Variants in MAJIN observed in about 807,000 individuals in gnomAD.
MAJIN encodes membrane anchored junction protein.
Under a neutral mutation model 30.2 loss-of-function variants are expected in MAJIN, and 27 were observed. The observed-to-expected ratio is 0.89, with a 90% CI of 0.66 to 1.23. The LOEUF is 1.23. Among genes scored for constraint, MAJIN ranks in the 50% most tolerant of loss-of-function variants. The pLI, the probability that MAJIN is intolerant of heterozygous loss-of-function variation, is 0.00. For synonymous variants in MAJIN, 78 were observed against 91.6 expected (o/e 0.85, Z 0.85); for missense variants, 253 against 260.3 (o/e 0.97, Z 0.19).
At chr11:64,967,744 GT>G (rs1945834739) in intron 1 of MAJIN, among the ~76,000 whole-genome samples, 1 of 152,202 alleles carries the variant, frequency 6.6e-6, no homozygotes, top group African/African-American at 2.4e-5. Context: ...ACCCTACAGT[GT>G]ATCAGGCACT....
chr11:64,972,021 T>C lies in MAJIN; in HGVS notation c.-209A>G, dbSNP rs1945915194. On this transcript the variant is annotated 5_prime_UTR_variant, in exon 1 of 11. Transcript: ENST00000301896. Reference sequence around the variant, plus strand: ...AGGCGGGCGCCAACCTCGAACGAAGTCGTTTTGAGGGACTGGCTCGCCAGC... The same window carrying C: ...AGGCGGGCGCCAACCTCGAACGAAGCCGTTTTGAGGGACTGGCTCGCCAGC... The C allele has an allele frequency of 1.3e-5, 2 of 152,080 alleles. No homozygotes were observed. Among genetic ancestry groups the C allele is most frequent in the Non-Finnish European group, 2.9e-5 (2 of 68,008 alleles). The allele number at this position is 152,080 out of a possible 1,614,324, so 9.4% of individuals were successfully genotyped here. A position where few individuals can be genotyped will look rare whatever the true frequency, so the allele number is the denominator to read the frequency against.
intron 3 of MAJIN, among the ~76,000 whole-genome samples, chr11:64,957,611 C>T (rs1590702278): frequency 6.6e-6 from 1 of 151,996 alleles, no homozygotes. Flanking sequence ...ACCATGTTGA[C>T]CAGGCTGCTC....
intron 8 of MAJIN, among the ~76,000 whole-genome samples, chr11:64,945,140 G>A (rs1945432080): frequency 1.3e-5 from 2 of 152,060 alleles, no homozygotes; most frequent in South Asian, 2.1e-4. Flanking sequence ...GGTGGATCAC[G>A]AGGTCAGGAG....
intron 1 of MAJIN, among the ~76,000 whole-genome samples, chr11:64,964,262 T>C (rs1014963163): frequency 1.3e-5 from 2 of 152,106 alleles, no homozygotes; most frequent in Admixed American, 6.6e-5. Context: ...CTTTCAAAAG[T>C]CCTTGGCTGG....
At chr11:64,948,640 T>TA (rs869204077) in intron 6 of MAJIN, among the ~76,000 whole-genome samples, 37 of 7,516 alleles carry the variant, frequency 4.9e-3, no homozygotes, top group East Asian at 0.016. Context: ...TATATATATA[T>TA]TTTTTTTTTT....
At chr11:64,951,049 C>T (rs1337162597) in intron 4 of MAJIN, among the ~76,000 whole-genome samples, 1 of 152,192 alleles carries the variant, frequency 6.6e-6, no homozygotes, top group Non-Finnish European at 1.5e-5. Context: ...TTGTTAGTAT[C>T]AAACTTCACA....
chr11:64,970,383 T>TTTTG (rs1945880438), intron 1 of MAJIN, among the ~76,000 whole-genome samples: 1 of 140,438 alleles, frequency 7.1e-6, no homozygotes, highest in Non-Finnish European at 1.6e-5. Flanking sequence ...TTTTTTTTTT[T>TTTTG]TGAGACGGAG....
intron 1 of MAJIN, among the ~76,000 whole-genome samples, chr11:64,969,257 A>G (rs1842562752): frequency 6.6e-6 from 1 of 152,190 alleles, no homozygotes; most frequent in Non-Finnish European, 1.5e-5. Context: ...GCAGTCTCCT[A>G]GTGTGTAAGG....
At chr11:64,944,984 CA>C (rs1945428885) in intron 8 of MAJIN, among the ~76,000 whole-genome samples, 1 of 152,154 alleles carries the variant, frequency 6.6e-6, no homozygotes, top group Admixed American at 6.5e-5. Flanking sequence ...CTAATTCCAT[CA>C]GGGGCCAGCC....
chr11:64,951,402 G>A (rs1158769764), intron 4 of MAJIN, among the ~76,000 whole-genome samples: 4 of 152,100 alleles, frequency 2.6e-5, no homozygotes, highest in African/African-American at 9.7e-5. Flanking sequence ...GGGGAAAAAA[G>A]TCTCAATTTC....
At chr11:64,967,590 T>C (rs1284261607) in intron 1 of MAJIN, among the ~76,000 whole-genome samples, 2 of 151,942 alleles carry the variant, frequency 1.3e-5, no homozygotes, top group Admixed American at 6.6e-5. Context: ...GTAGAGGAAA[T>C]AGCAGGTACA....
At chr11:64,965,445 CTT>C (rs767329703) in intron 1 of MAJIN, among the ~76,000 whole-genome samples, 54 of 152,296 alleles carry the variant, frequency 3.5e-4, no homozygotes, top group African/African-American at 7.2e-4. Flanking sequence ...CTTAGTTTCT[CTT>C]TGTTACTCTT....
intron 3 of MAJIN, among the ~76,000 whole-genome samples, chr11:64,957,026 C>G (rs1337535776): frequency 6.6e-6 from 1 of 152,008 alleles, no homozygotes; most frequent in Non-Finnish European, 1.5e-5. Flanking sequence ...CTCGGCCTCC[C>G]AAAGTGCTGG....
At chr11:64,947,209 A>G (rs1482046533) in intron 8 of MAJIN, among the ~76,000 whole-genome samples, 165 bp downstream of exon 8, 1 of 152,202 alleles carries the variant, frequency 6.6e-6, no homozygotes, top group Non-Finnish European at 1.5e-5. Flanking sequence ...TTATATTGTA[A>G]ATATTAACTT....
intron 4 of MAJIN, among the ~76,000 whole-genome samples, chr11:64,950,975 C>A (rs1379479309): frequency 1.4e-4 from 22 of 152,178 alleles, no homozygotes; most frequent in Admixed American, 5.9e-4. Flanking sequence ...TCCGACCTAT[C>A]CTTTCAGGCA....
chr11:64,940,244 G>C (rs1263230300), intron 9 of MAJIN, among the ~76,000 whole-genome samples: 1 of 152,164 alleles, frequency 6.6e-6, no homozygotes, highest in Non-Finnish European at 1.5e-5. Flanking sequence ...CAACAGTACA[G>C]AAAAGGGAAA....
intron 3 of MAJIN, among the ~76,000 whole-genome samples, chr11:64,958,598 G>GAAAAAA (rs202169389): frequency 1.1e-4 from 11 of 102,534 alleles, no homozygotes; most frequent in Non-Finnish European, 1.6e-4. Flanking sequence ...TGTCTTGGGA[G>GAAAAAA]AAAAAAAAAA....
chr11:64,953,116 T>C lies in MAJIN; in HGVS notation c.147+1641A>G, dbSNP rs185086978. Among the ~76,000 whole-genome samples, 284 of 152,294 alleles carry C rather than the reference T, an allele frequency of 1.9e-3. 3 individuals carry two copies. The highest frequency in any genetic ancestry group is 6.3e-3 in the African/African-American group (262 of 41,552). ...TCAAATGCACCTTGGAAATATGACA[T>C]ACGTTGAATGTAAATACTCTCGAGC... On this transcript the variant is annotated intron_variant, in intron 4 of 10. Coordinates refer to ENST00000301896, the MANE Select transcript of MAJIN (RefSeq NM_001037225.3).
Position 64,949,871 on chromosome 11 carries a change from G to A in MAJIN, c.224-3C>T, listed in dbSNP as rs1945522505. Reference sequence around the variant, plus strand: ...AACTCTCTCCCATTTGCTTTTATCTGGAAAATGGTGCTAAGGAGTAAGGAA... The same window carrying A: ...AACTCTCTCCCATTTGCTTTTATCTAGAAAATGGTGCTAAGGAGTAAGGAA... On this transcript the variant is annotated splice_region_variant and splice_polypyrimidine_tract_variant and intron_variant, in intron 5 of 10. Coordinates refer to ENST00000301896, the MANE Select transcript of MAJIN (RefSeq NM_001037225.3). The A allele has an allele frequency of 6.2e-7, 1 of 1,602,286 alleles. No individual in the cohort carries two copies. Among genetic ancestry groups the A allele is most frequent in the East Asian group, 2.2e-5 (1 of 44,882 alleles).
Sources: allele counts gnomAD v4.1 joint callset (sites outside exome capture counted in the v4.1 genomes callset), GRCh38; gene constraint gnomAD v4.1.1; transcripts MANE v1.5; gene names NCBI Gene and HGNC (gene_info 2026-07-23, HGNC 2026-07-21).